MINDY3: variants seen among roughly 807,000 people sequenced by gnomAD.
MINDY3 encodes ubiquitin carboxyl-terminal hydrolase MINDY-3.
MINDY3 carries 38 observed loss-of-function variants against 69.2 expected under a neutral mutation model. The observed-to-expected ratio is 0.55, with a 90% confidence interval of 0.42 to 0.72. The LOEUF (loss-of-function observed/expected upper bound fraction) is 0.72, where lower values mean the gene tolerates loss of function less well. Among genes scored for constraint, MINDY3 ranks in the 30% least tolerant of loss-of-function variants. The pLI is 0.00. For missense variants in MINDY3, 522 were observed against 519.0 expected (o/e 1.01, Z -0.06); for synonymous variants, 192 against 180.1 (o/e 1.07, Z -0.53).
chr10:15,839,514 T>TCAGA lies in MINDY3; in HGVS notation c.410-1236_410-1235insTCTG, dbSNP rs1833315652. Among the ~76,000 whole-genome samples the TCAGA allele has an allele frequency of 3.3e-5, 5 of 151,816 alleles. No homozygotes were observed. The South Asian group carries it at 1.0e-3, about 31-fold the overall frequency. The stretch of plus-strand genomic sequence containing the variant: ...AATCTTTTCCAAATTATACTGCTTG[T>TCAGA]TCTGCAACATTAGATTATCTAAATA... On this transcript the variant is annotated intron_variant, in intron 4 of 14. Transcript: ENST00000277632.
chr10:15,801,974 G>A (rs141633823), intron 10 of MINDY3, among the ~76,000 whole-genome samples: 15 of 151,880 alleles, frequency 9.9e-5, no homozygotes, highest in East Asian at 5.8e-4. Context: ...GGAAGATGAC[G>A]TAGAAGAAGC....
chr10:15,829,896 A>C (rs1462877534), intron 8 of MINDY3, among the ~76,000 whole-genome samples: 1 of 152,190 alleles, frequency 6.6e-6, no homozygotes, highest in African/African-American at 2.4e-5. Context: ...CAGTTTGCCC[A>C]CCGTCAAACA....
In MINDY3 at chr10:15,841,702, A is replaced by G. The variant is rs570902964; in HGVS notation, c.236-103T>C. On this transcript the variant is annotated intron_variant, in intron 3 of 14. Coordinates refer to ENST00000277632, the MANE Select transcript of MINDY3 (RefSeq NM_024948.4). Reference sequence around the variant, plus strand: ...AATGGGTTAATGATGAAAATCAAGCATTTTAAAAATGGGGGAAAAATCTCT... The same window carrying G: ...AATGGGTTAATGATGAAAATCAAGCGTTTTAAAAATGGGGGAAAAATCTCT... The G allele has an allele frequency of 1.7e-4, 105 of 605,428 alleles. No individual in the cohort carries two copies. The South Asian group carries it at 3.9e-3, about 22-fold the overall frequency. The allele number at this position is 605,428 out of a possible 1,614,324, so 37.5% of individuals were successfully genotyped here.
At chr10:15,840,068 T>TA (rs1247166924) in intron 4 of MINDY3, among the ~76,000 whole-genome samples, 1 of 151,716 alleles carries the variant, frequency 6.6e-6, no homozygotes, top group Non-Finnish European at 1.5e-5. Context: ...AAAAAGATCT[T>TA]ACTATTTTCT....
intron 10 of MINDY3, among the ~76,000 whole-genome samples, chr10:15,799,534 G>T (rs1838100850): frequency 6.6e-6 from 1 of 152,072 alleles, no homozygotes. Context: ...TTTGATATAT[G>T]GGGGGAGTAA....
chr10:15,839,085 A>G (rs968287147), intron 4 of MINDY3, among the ~76,000 whole-genome samples: 1 of 151,712 alleles, frequency 6.6e-6, no homozygotes, highest in Admixed American at 6.6e-5. Flanking sequence ...ATCACAATGA[A>G]TAACTTCACA....
intron 4 of MINDY3, among the ~76,000 whole-genome samples, chr10:15,839,488 T>C (rs1034369708): frequency 2.0e-5 from 3 of 151,722 alleles, no homozygotes; most frequent in African/African-American, 7.2e-5. Context: ...AAATTCTACC[T>C]AATCTTTTCC....
chr10:15,782,223 A>C lies in MINDY3; in HGVS notation c.1120T>G (p.Ser374Ala). The change falls in exon 14 of 15, where the codon TCC (serine) becomes GCC (alanine). Residue 374 changes from serine to alanine, a missense_variant. Physicochemically the swap from Ser to Ala is moderately conservative, Grantham distance 99. Coordinates refer to ENST00000277632, the MANE Select transcript of MINDY3 (RefSeq NM_024948.4). ...ACAGTAAAAGATTCTGGACCACTGG[A>C]GCCCTATTATAAATAAAGGACTATT... ...FLQEFFPDQG[S>A]SGPESFTVYH... The C allele has an allele frequency of 6.3e-7, 1 of 1,598,528 alleles. No homozygotes were observed. The highest frequency in any genetic ancestry group is 1.1e-5 in the South Asian group (1 of 89,980).
chr10:15,799,498 T>A (rs1176972482), intron 10 of MINDY3, among the ~76,000 whole-genome samples: 3 of 152,074 alleles, frequency 2.0e-5, no homozygotes, highest in African/African-American at 7.2e-5. Context: ...CAACCAGCCT[T>A]TAACATTTAT....
intron 10 of MINDY3, among the ~76,000 whole-genome samples, chr10:15,801,331 C>G (rs977586448): frequency 6.6e-6 from 1 of 152,054 alleles, no homozygotes; most frequent in Admixed American, 6.6e-5. Context: ...TAAACCCAAG[C>G]TTTGAAGGGA....
At chr10:15,838,109 A>G in intron 5 of MINDY3, 119 bp downstream of exon 5, 1 of 1,299,242 alleles carries the variant, frequency 7.7e-7, no homozygotes, top group African/African-American at 1.5e-5. Context: ...ATGGATTTAA[A>G]ATTTATGTTT....
In MINDY3 at chr10:15,843,266, G is replaced by A; in HGVS notation, c.181C>T (p.Leu61Phe). The stretch of plus-strand genomic sequence containing the variant: ...GAAGAAAACAGGAGCTTCTTCAAAA[G>A]AAATGCCTTTACACAATTAAAGCAA... The part of the protein sequence containing the change: ...CAVIAPVQAF[L>F]LKKLLFSSEK... Residue 61 changes from leucine to phenylalanine, a missense_variant, in exon 3 of 15, where the codon CTT becomes TTT. Transcript: ENST00000277632. 6.2e-7 allele frequency: 1 copy of A among 1,611,486 alleles called. No homozygotes were observed. Among genetic ancestry groups the A allele is most frequent in the African/African-American group, 1.3e-5 (1 of 74,976 alleles).
intron 11 of MINDY3, among the ~76,000 whole-genome samples, chr10:15,790,212 A>C (rs1298973908): frequency 1.3e-5 from 2 of 152,116 alleles, no homozygotes; most frequent in African/African-American, 4.8e-5. Flanking sequence ...GGAATTGTAC[A>C]CTATCTCTAT....
chr10:15,804,749 A>AAAT (rs775782369), intron 10 of MINDY3, among the ~76,000 whole-genome samples: 5 of 152,168 alleles, frequency 3.3e-5, no homozygotes, highest in African/African-American at 7.2e-5. Flanking sequence ...ATAATTTGGG[A>AAAT]AATAGATTTT....
chr10:15,859,800 C>T (rs1047020898), intron 1 of MINDY3, among the ~76,000 whole-genome samples: 1 of 152,176 alleles, frequency 6.6e-6, no homozygotes, highest in Non-Finnish European at 1.5e-5. Context: ...CTCCTTCTCA[C>T]CAAAAATAGA....
intron 1 of MINDY3, among the ~76,000 whole-genome samples, chr10:15,851,008 C>G (rs1588656099): frequency 1.3e-5 from 2 of 152,200 alleles, no homozygotes; most frequent in Non-Finnish European, 2.9e-5. Flanking sequence ...CAAACTCATT[C>G]TCACCCAAGT....
Position 15,784,283 on chromosome 10 carries a change from T to C in MINDY3, c.1117-2057A>G, listed in dbSNP as rs1836780786. Among the ~76,000 whole-genome samples, 3 of 152,204 alleles carry C rather than the reference T, an allele frequency of 2.0e-5. No individual in the cohort carries two copies. The South Asian group carries it at 6.2e-4, about 31-fold the overall frequency. ...TAAACGAATGGTCTTGAAAAGCTTA[T>C]AAATATTACCACTTTTTTCTTCCTG... On this transcript the variant is annotated intron_variant, in intron 13 of 14. Transcript: ENST00000277632.
chr10:15,837,508 T>C (rs1006947638), intron 5 of MINDY3, 190 bp from the exon 6 acceptor site: 2 of 1,417,246 alleles, frequency 1.4e-6, no homozygotes, highest in Non-Finnish European at 1.9e-6. Context: ...ACTATCACTA[T>C]ATATGATATT....
intron 12 of MINDY3, 23 bp from the exon 13 acceptor site, chr10:15,786,671 C>T (rs752746552): frequency 4.2e-5 from 55 of 1,323,314 alleles, no homozygotes; most frequent in Non-Finnish European, 5.5e-5. Context: ...AGAAGAAAAA[C>T]AGTGGATACC....
Sources: allele counts gnomAD v4.1 joint callset (sites outside exome capture counted in the v4.1 genomes callset), GRCh38; gene constraint gnomAD v4.1.1; transcripts MANE v1.5; gene names NCBI Gene and HGNC (gene_info 2026-07-23, HGNC 2026-07-21).